The following ZNF184 variants were observed in gnomAD, a reference collection of about 807,000 sequenced individuals.
ZNF184 encodes zinc finger protein 184 (Kruppel-like).
ZNF184 carries 16 observed loss-of-function variants against 54.4 expected under a neutral mutation model. The observed-to-expected ratio is 0.29, with a 90% CI of 0.20 to 0.45. ZNF184 has a LOEUF of 0.45. Among genes scored for constraint, ZNF184 ranks in the 20% least tolerant of loss-of-function variants. ZNF184 has a pLI of 1.00. For synonymous variants in ZNF184, 254 were observed against 295.3 expected (o/e 0.86, Z 1.43); for missense variants, 681 against 888.2 (o/e 0.77, Z 2.97).
At position 27,452,213 on chromosome 6, in the gene ZNF184, G is replaced by A; in HGVS notation, c.1346C>T (p.Ala449Val). The A allele has an allele frequency of 6.2e-7, 1 of 1,613,794 alleles. No homozygotes were observed. The highest frequency in any genetic ancestry group is 8.5e-7 in the Non-Finnish European group (1 of 1,179,910). The change falls in exon 6 of 6, where the codon GCA (alanine) becomes GTA (valine). Residue 449 changes from alanine (A) to valine (V), a missense_variant. Coordinates refer to ENST00000683788, the MANE Select transcript of ZNF184 (RefSeq NM_001318891.2). This position sits in a 1 kb window ranked among gnomAD's most constrained non-coding sequence, Gnocchi z 5.5. Reference protein sequence around the residue: ...THTGEKPYDCAECGKSFSYWS... With the variant: ...THTGEKPYDCVECGKSFSYWS... ...GTAACTAAAAGATTTTCCACATTCTGCACAATCATAGGGTTTCTCCCCAGT... is the reference window on the plus strand; with the variant it reads ...GTAACTAAAAGATTTTCCACATTCTACACAATCATAGGGTTTCTCCCCAGT...
chr6:27,405,204 A>G, the ZNF184 span: 1 of 152,200 alleles, frequency 6.6e-6, no homozygotes, highest in Non-Finnish European at 1.5e-5. Flanking sequence ...GTTAACTGTA[A>G]AACAGCCTCA....
At chr6:27,457,205 A>C in intron 4 of ZNF184, 78 bp downstream of exon 4, 1 of 1,532,898 alleles carries the variant, frequency 6.5e-7, no homozygotes, top group Non-Finnish European at 8.8e-7. Flanking sequence ...CTAAACTTAA[A>C]GGCAAACTCC....
chr6:27,409,667 GAC>G, the ZNF184 span, among the ~76,000 whole-genome samples: 1 of 151,856 alleles, frequency 6.6e-6, no homozygotes, highest in Non-Finnish European at 1.5e-5. Context: ...CTGGATATAT[GAC>G]CAATAAAAAT....
downstream of ZNF184, among the ~76,000 whole-genome samples, chr6:27,448,655 G>C (rs1762665040): frequency 6.6e-6 from 1 of 152,102 alleles, no homozygotes; most frequent in African/African-American, 2.4e-5. Flanking sequence ...GATACTTGTG[G>C]CTCCTAGTAC....
chr6:27,429,821 G>A, the ZNF184 span, among the ~76,000 whole-genome samples: 7 of 151,996 alleles, frequency 4.6e-5, no homozygotes, highest in African/African-American at 1.5e-4. Context: ...TGTTTGGCTC[G>A]GCCTAAGAAT....
At position 27,472,677 on chromosome 6, in the gene ZNF184, G is replaced by A. The variant is rs1346333586; in HGVS notation, c.-140+52C>T. The A allele has an allele frequency of 4.6e-6, 1 of 215,360 alleles. No individual in the cohort carries two copies. The highest frequency in any genetic ancestry group is 2.3e-5 in the African/African-American group (1 of 43,804). The allele number at this position is 215,360 out of a possible 1,614,324, so 13.3% of individuals were successfully genotyped here. A position where few individuals can be genotyped will look rare whatever the true frequency, so the allele number is the denominator to read the frequency against. On this transcript the variant is annotated intron_variant, in intron 1 of 5. Coordinates refer to ENST00000683788, the MANE Select transcript of ZNF184 (RefSeq NM_001318891.2). The surrounding 1 kb of genome is among the most constrained non-coding windows in gnomAD (Gnocchi z 4.8). ...TCCACAGACCTGGTGTGTTCCCTCT[G>A]TGCACACTTGTGACTCACACCCCTG...
rs1762772772 is a variant in ZNF184, at chr6:27,453,032, T to G, written c.527A>C (p.Lys176Thr). Reference sequence around the variant, plus strand: ...CCCAAATTCATTATTTACAGGGCCTTTTTCCCAACTGGGTATTGTCTTTTC... The same window carrying G: ...CCCAAATTCATTATTTACAGGGCCTGTTTCCCAACTGGGTATTGTCTTTTC... ...VTEKTIPSWE[K>T]GPVNNEFGKS... Residue 176 changes from lysine (K) to threonine (T), a missense_variant, in exon 6 of 6, where the codon AAA (lysine) becomes ACA (threonine). Coordinates refer to ENST00000683788, the MANE Select transcript of ZNF184 (RefSeq NM_001318891.2). The surrounding 1 kb of genome is among the most constrained non-coding windows in gnomAD (Gnocchi z 4.7). 6.2e-7 allele frequency: 1 copy of G among 1,613,982 alleles called. No homozygotes were observed. The highest frequency in any genetic ancestry group is 1.7e-5 in the Admixed American group (1 of 59,982).
In ZNF184 at chr6:27,451,688, C is replaced by A; in HGVS notation, c.1871G>T (p.Arg624Leu). The A allele has an allele frequency of 6.2e-7, 1 of 1,613,936 alleles. No individual in the cohort carries two copies. Residue 624 changes from arginine (R) to leucine (L), a missense_variant, in exon 6 of 6, where the codon CGA (arginine) becomes CTA (leucine). By Grantham distance (102) the Arg-to-Leu change is moderately radical (BLOSUM62 -2). Coordinates refer to ENST00000683788, the MANE Select transcript of ZNF184 (RefSeq NM_001318891.2). ...ATGTTGAGCAAGAGATGAACAATGTCGAAAGGCTTTACCACACTCAGCACA... is the reference window on the plus strand; with the variant it reads ...ATGTTGAGCAAGAGATGAACAATGTAGAAAGGCTTTACCACACTCAGCACA... ...YECAECGKAF[R>L]HCSSLAQHQK...
the ZNF184 span, among the ~76,000 whole-genome samples, chr6:27,431,838 C>T: frequency 6.6e-6 from 1 of 152,114 alleles, no homozygotes; most frequent in African/African-American, 2.4e-5. Flanking sequence ...CACAAAGGCA[C>T]GATGGATGCC....
the ZNF184 span, among the ~76,000 whole-genome samples, chr6:27,422,221 G>A: frequency 1.7e-4 from 22 of 126,584 alleles, no homozygotes; most frequent in African/African-American, 2.6e-4. Flanking sequence ...AGAAAGAAAA[G>A]AAAAGAAATT....
Position 27,472,176 on chromosome 6 carries a change from A to C in ZNF184, c.7+112T>G. ...TCGGTTTCTTTGCTAATCCCTAAGC[A>C]TACCGTTCCTTCCTTCCAAATCTCC... On this transcript the variant is annotated intron_variant, in intron 2 of 5. Coordinates refer to ENST00000683788, the MANE Select transcript of ZNF184 (RefSeq NM_001318891.2). The surrounding 1 kb of genome is among the most constrained non-coding windows in gnomAD (Gnocchi z 4.8). 4.4e-5 allele frequency: 64 copies of C among 1,444,030 alleles called. No homozygotes were observed. Among genetic ancestry groups the C allele is most frequent in the Non-Finnish European group, 5.4e-5 (56 of 1,043,684 alleles). The allele number at this position is 1,444,030 out of a possible 1,614,324, so 89.5% of individuals were successfully genotyped here. A position where few individuals can be genotyped will look rare whatever the true frequency, so the allele number is the denominator to read the frequency against.
chr6:27,442,502 T>C, the ZNF184 span, among the ~76,000 whole-genome samples: 1 of 151,862 alleles, frequency 6.6e-6, no homozygotes, highest in African/African-American at 2.4e-5. Context: ...ACACCTGTAG[T>C]CTCTGCTAGT....
the ZNF184 span, among the ~76,000 whole-genome samples, chr6:27,440,959 C>T: frequency 1.3e-5 from 2 of 151,858 alleles, no homozygotes; most frequent in African/African-American, 2.4e-5. Flanking sequence ...GAGCCGAGAT[C>T]GCGCCACTGC....
chr6:27,409,498 C>CAAAAAAAAAAAAAAA, the ZNF184 span, among the ~76,000 whole-genome samples: 2 of 39,924 alleles, frequency 5.0e-5, no homozygotes, highest in Admixed American at 2.8e-4. Flanking sequence ...GACTCCGTCT[C>CAAAAAAAAAAAAAAA]AAAAAAAAAA....
rs55966783 is a variant in ZNF184 at position 27,458,295 on chromosome 6, T to TAAAAAAAAAAAAAAAAAAAAAAAAAAAAA, written c.76-887_76-886insTTTTTTTTTTTTTTTTTTTTTTTTTTTTT. On this transcript the variant is annotated intron_variant, in intron 3 of 5. Transcript: ENST00000683788. Reference sequence around the variant, plus strand: ...GGCAATTTAAAAAGCTTCTGCACAGTAAAAAAAAAAAAAAAAAAAAAAAAA... The same window carrying TAAAAAAAAAAAAAAAAAAAAAAAAAAAAA: ...GGCAATTTAAAAAGCTTCTGCACAGTAAAAAAAAAAAAAAAAAAAAAAAAAAAAAAAAAAAAAAAAAAAAAAAAAAAAAA... 3.2e-5 allele frequency among the ~76,000 whole-genome samples: 2 copies of TAAAAAAAAAAAAAAAAAAAAAAAAAAAAA among 62,366 alleles called. 1 individual carries two copies. Among genetic ancestry groups the TAAAAAAAAAAAAAAAAAAAAAAAAAAAAA allele is most frequent in the African/African-American group, 1.4e-4 (2 of 14,808 alleles). The allele number at this position is 62,366 out of a possible 152,430, so 40.9% of individuals were successfully genotyped here. A position where few individuals can be genotyped will look rare whatever the true frequency, so the allele number is the denominator to read the frequency against.
the ZNF184 span, chr6:27,407,848 C>T: frequency 7.6e-6 from 6 of 787,020 alleles, no homozygotes; most frequent in South Asian, 6.7e-5. Flanking sequence ...ACAGCCATCA[C>T]TCATATCTAT....
the ZNF184 span, among the ~76,000 whole-genome samples, chr6:27,424,191 C>T: frequency 2.0e-5 from 3 of 152,082 alleles, no homozygotes; most frequent in Non-Finnish European, 2.9e-5. Context: ...CTTAAGGCAC[C>T]GCGTCTGGAG....
chr6:27,405,042 C>A, the ZNF184 span: 1 of 151,550 alleles, frequency 6.6e-6, no homozygotes, highest in Admixed American at 6.6e-5. Flanking sequence ...CTATATAATA[C>A]CTGATAGGAA....
chr6:27,469,049 T>C (rs1336528218), intron 2 of ZNF184, among the ~76,000 whole-genome samples: 1 of 152,242 alleles, frequency 6.6e-6, no homozygotes, highest in Admixed American at 6.5e-5. Context: ...GGAATCCACT[T>C]AGAGTACTGG....
Sources: gnomAD v4.1 joint callset for allele counts (sites outside exome capture counted in the v4.1 genomes callset) on GRCh38, gnomAD v4.1.1 for gene constraint, Gnocchi (gnomAD v3.1) non-coding constraint, MANE v1.5 for transcripts, NCBI Gene and HGNC (gene_info 2026-07-23, HGNC 2026-07-21) for gene names.